Variants in PAK2 observed in about 807,000 individuals in gnomAD.
PAK2 encodes the protein p21 (RAC1) activated kinase 2, also known as serine/threonine-protein kinase PAK 2.
PAK2 carries 21 observed loss-of-function variants against 65.9 expected under a neutral mutation model. The ratio of observed to expected loss-of-function variants is 0.32; its 90% confidence interval spans 0.23 to 0.46. The LOEUF (loss-of-function observed/expected upper bound fraction) is 0.46, where lower values mean the gene tolerates loss of function less well. Among genes scored for constraint, PAK2 ranks in the 20% least tolerant of loss-of-function variants. The probability of loss-of-function intolerance (pLI) is 1.00; values close to 1 mark genes in which losing one functional copy is unlikely to be tolerated. For missense variants in PAK2, 324 were observed against 642.6 expected (o/e 0.50, Z 5.36); for synonymous variants, 204 against 219.7 (o/e 0.93, Z 0.63).
intron 1 of PAK2, among the ~76,000 whole-genome samples, chr3:196,740,768 T>G (rs1713164490): frequency 6.6e-6 from 1 of 152,212 alleles, no homozygotes; most frequent in South Asian, 2.1e-4. Flanking sequence ...CTGTTTGAGC[T>G]TCAGCCTAGG....
chr3:196,821,723 C>G (rs1053148914), intron 13 of PAK2, among the ~76,000 whole-genome samples: 1 of 152,104 alleles, frequency 6.6e-6, no homozygotes, highest in Admixed American at 6.6e-5. Flanking sequence ...GATAAGGAAA[C>G]TAGAAATCTC....
At position 196,814,436 on chromosome 3, in the gene PAK2, A is replaced by G. The variant is rs1271834200; in HGVS notation, c.936-15A>G. ...AAATAAAAGTGTGACTGTATTTGGT[A>G]TGTTGTATTTTTAGTTACCTGGTAG... On this transcript the variant is annotated splice_polypyrimidine_tract_variant and intron_variant, in intron 10 of 14. Coordinates refer to ENST00000327134, the MANE Select transcript of PAK2 (RefSeq NM_002577.4). 1 of 896,144 alleles carries G rather than the reference A, an allele frequency of 1.1e-6. No homozygotes were observed. The highest frequency in any genetic ancestry group is 2.5e-5 in the East Asian group (1 of 39,452). The allele number at this position is 896,144 out of a possible 1,614,324, so 55.5% of individuals were successfully genotyped here.
chr3:196,810,546 A>G, intron 7 of PAK2, 44 bp from the exon 8 acceptor site: 2 of 996,230 alleles, frequency 2.0e-6, no homozygotes, highest in Non-Finnish European at 3.2e-6. Flanking sequence ...ATCAATTTAC[A>G]CTTAAAATGC....
At chr3:196,805,290 C>G (rs1179764233) in intron 4 of PAK2, 62 bp from the exon 5 acceptor site, 8 of 811,996 alleles carry the variant, frequency 9.9e-6, no homozygotes. Flanking sequence ...TTTTTTTTTC[C>G]TTTTATCATA....
intron 11 of PAK2, among the ~76,000 whole-genome samples, chr3:196,815,167 G>T (rs1467247097): frequency 6.9e-6 from 1 of 145,822 alleles, no homozygotes; most frequent in Non-Finnish European, 1.5e-5. Flanking sequence ...GCAACAGAGC[G>T]AGAGTCCGTC....
chr3:196,759,525 T>TTTTTTTTTTTTTTTG (rs1560092904), intron 1 of PAK2, among the ~76,000 whole-genome samples: 2 of 131,628 alleles, frequency 1.5e-5, no homozygotes, highest in Non-Finnish European at 3.2e-5. Flanking sequence ...TTTTTTTTTT[T>TTTTTTTTTTTTTTTG]TTTTTTTTTT....
At chr3:196,781,113 TC>T (rs1471343856) in intron 1 of PAK2, among the ~76,000 whole-genome samples, 2 of 152,206 alleles carry the variant, frequency 1.3e-5, no homozygotes, top group Non-Finnish European at 2.9e-5. Context: ...TACCTACTTT[TC>T]TTCAGGTATA....
At position 196,800,361 on chromosome 3, in the gene PAK2, G is replaced by T. The variant is rs896800312; in HGVS notation, c.188-1566G>T. ...CACGCCACTGCACTCCAGCCTGGGC[G>T]ACAGAATGAGACTCCCTGTTAAAAA... On this transcript the variant is annotated intron_variant, in intron 2 of 14. Coordinates refer to ENST00000327134, the MANE Select transcript of PAK2 (RefSeq NM_002577.4). 2.0e-5 allele frequency among the ~76,000 whole-genome samples: 3 copies of T among 152,142 alleles called. No homozygotes were observed. The South Asian group carries it at 6.2e-4, about 32-fold the overall frequency.
At chr3:196,778,197 G>C (rs997921827) in intron 1 of PAK2, among the ~76,000 whole-genome samples, 1 of 152,086 alleles carries the variant, frequency 6.6e-6, no homozygotes, top group Non-Finnish European at 1.5e-5. Context: ...TAGTGTTCGA[G>C]GGTCATCCAT....
rs1315900638 is a variant in PAK2 at position 196,816,154 on chromosome 3, T to C, written c.1053+1586T>C. Among the ~76,000 whole-genome samples, 4 of 152,202 alleles carry C rather than the reference T, an allele frequency of 2.6e-5. No homozygotes were observed. The East Asian group carries it at 7.7e-4, about 29-fold the overall frequency. ...GCAAAACTTTAAGTTTATAAGACTA[T>C]ATTGTGTTTTCTATGATTTGGCTTT... On this transcript the variant is annotated intron_variant, in intron 11 of 14. Transcript: ENST00000327134.
rs530967328 is a variant in PAK2 at position 196,764,387 on chromosome 3, G to A, written c.-21-18239G>A. Among the ~76,000 whole-genome samples the A allele has an allele frequency of 4.6e-5, 7 of 152,044 alleles. No homozygotes were observed. In the East Asian group the frequency reaches 7.8e-4, roughly 17 times the overall value. ...TCCCAGCACTTTGGGAGACCAAGAC[G>A]GGCAGATCACTTGAGGTCAGGAGTT... On this transcript the variant is annotated intron_variant, in intron 1 of 14. Coordinates refer to ENST00000327134, the MANE Select transcript of PAK2 (RefSeq NM_002577.4).
At chr3:196,775,756 T>C (rs1277209627) in intron 1 of PAK2, among the ~76,000 whole-genome samples, 1 of 152,206 alleles carries the variant, frequency 6.6e-6, no homozygotes, top group Non-Finnish European at 1.5e-5. Flanking sequence ...TTGCTTCTCA[T>C]GAATGAAAAT....
rs988976191 is a variant in PAK2 at position 196,739,972 on chromosome 3, C to T, written c.-207C>T. 2 of 152,010 alleles carry T rather than the reference C, an allele frequency of 1.3e-5. No individual in the cohort carries two copies. Among genetic ancestry groups the T allele is most frequent in the African/African-American group, 4.8e-5 (2 of 41,418 alleles). 9.4% of individuals were successfully genotyped at this position (152,010 alleles called of 1,614,324 possible). A position where few individuals can be genotyped will look rare whatever the true frequency, so the allele number is the denominator to read the frequency against. On this transcript the variant is annotated 5_prime_UTR_variant, in exon 1 of 15. Transcript: ENST00000327134. ...CCTCCCCTCCCCTCCCTGGCGTGCG[C>T]AGGACTCCGCCGCCGCTGGGCCTAG...
At chr3:196,798,039 TTAA>T (rs1342328568) in intron 2 of PAK2, among the ~76,000 whole-genome samples, 5 of 152,164 alleles carry the variant, frequency 3.3e-5, no homozygotes, top group African/African-American at 9.6e-5. Context: ...CTAAGCCATC[TTAA>T]TAAACTAGAA....
Position 196,807,775 on chromosome 3 carries a change from T to C in PAK2, c.577-7T>C. The C allele has an allele frequency of 6.4e-7, 1 of 1,552,736 alleles. No individual in the cohort carries two copies. Among genetic ancestry groups the C allele is most frequent in the Non-Finnish European group, 8.8e-7 (1 of 1,132,098 alleles). On this transcript the variant is annotated splice_polypyrimidine_tract_variant and splice_region_variant and intron_variant, in intron 6 of 14. Transcript: ENST00000327134. ...TCAAACCTTGGTAATGAACTGTGTC[T>C]CCACAGATTTACACACGGTCTGTAA... is the stretch of plus-strand genomic sequence containing the variant.
chr3:196,754,184 A>T (rs569162783), intron 1 of PAK2, among the ~76,000 whole-genome samples: 1 of 152,042 alleles, frequency 6.6e-6, no homozygotes, highest in Non-Finnish European at 1.5e-5. Flanking sequence ...GTTTTGTGTC[A>T]TTTGCTAAAT....
At chr3:196,814,349 G>C in intron 10 of PAK2, 102 bp from the exon 11 acceptor site, 2 of 616,440 alleles carry the variant, frequency 3.2e-6, no homozygotes, top group South Asian at 4.3e-5. Flanking sequence ...ACCAGCTCTA[G>C]TTTTATTGTT....
intron 1 of PAK2, among the ~76,000 whole-genome samples, chr3:196,746,831 G>GAATA (rs10662253): frequency 0.59 from 84,489 of 143,824 alleles, 25,601 homozygotes; most frequent in African/African-American, 0.66. Context: ...AAAAAAAAAA[G>GAATA]GATAGGCCTT....
chr3:196,810,738 C>T lies in PAK2; in HGVS notation c.773+85C>T, dbSNP rs878913221. Reference sequence around the variant, plus strand: ...GCATGATGTTTATTTTGCCTGCCGACATCAAGTACTTATATAGTATTCTGT... The same window carrying T: ...GCATGATGTTTATTTTGCCTGCCGATATCAAGTACTTATATAGTATTCTGT... On this transcript the variant is annotated intron_variant, in intron 8 of 14. Coordinates refer to ENST00000327134, the MANE Select transcript of PAK2 (RefSeq NM_002577.4). 4.0e-4 allele frequency: 299 copies of T among 756,334 alleles called. 3 individuals carry two copies. The highest frequency in any genetic ancestry group is 3.8e-3 in the South Asian group (268 of 70,232). 46.9% of individuals were successfully genotyped at this position (756,334 alleles called of 1,614,324 possible).
Sources: gnomAD v4.1 joint callset for allele counts (sites outside exome capture counted in the v4.1 genomes callset) on GRCh38, gnomAD v4.1.1 for gene constraint, MANE v1.5 for transcripts, NCBI Gene and HGNC (gene_info 2026-07-23, HGNC 2026-07-21) for gene names.